Variants in XKR6 observed in about 807,000 individuals in gnomAD.
XKR6 encodes the protein XK-related protein 6.
A neutral mutation model predicts 56.7 loss-of-function variants in XKR6; 22 were observed. The ratio of observed to expected loss-of-function variants is 0.39; its 90% CI spans 0.28 to 0.55. XKR6 has a LOEUF of 0.55. Among genes scored for constraint, XKR6 ranks in the 20% least tolerant of loss-of-function variants. The pLI, the probability that XKR6 is intolerant of heterozygous loss-of-function variation, is 0.66. For missense variants in XKR6, 852 were observed against 889.0 expected (o/e 0.96, Z 0.53); for synonymous variants, 524 against 387.8 (o/e 1.35, Z -4.13).
intron 1 of XKR6, among the ~76,000 whole-genome samples, chr8:11,073,726 G>A (rs1800193076): frequency 6.6e-6 from 1 of 152,202 alleles, no homozygotes; most frequent in Admixed American, 6.5e-5. Context: ...TGTGAAAATG[G>A]ATTAAGAAGT....
intron 1 of XKR6, among the ~76,000 whole-genome samples, chr8:10,979,793 G>C (rs1221770724): frequency 6.6e-6 from 1 of 152,192 alleles, no homozygotes; most frequent in Admixed American, 6.5e-5. Flanking sequence ...TGAGGACCCT[G>C]TGCTGCGGGG....
intron 2 of XKR6, among the ~76,000 whole-genome samples, chr8:10,917,072 CTT>C (rs35887024): frequency 1.6e-3 from 224 of 143,694 alleles, no homozygotes; most frequent in Middle Eastern, 0.014. Context: ...AGCAAAGATG[CTT>C]TTTTTTTTTT....
chr8:11,178,869 T>G (rs968886988), intron 1 of XKR6, among the ~76,000 whole-genome samples: 7 of 151,514 alleles, frequency 4.6e-5, no homozygotes, highest in Non-Finnish European at 4.4e-5. Flanking sequence ...AGGGTCTCAC[T>G]CAGGCACCCA....
At chr8:11,086,897 C>T (rs1797910362) in intron 1 of XKR6, among the ~76,000 whole-genome samples, 1 of 152,224 alleles carries the variant, frequency 6.6e-6, no homozygotes, top group South Asian at 2.1e-4. Flanking sequence ...CGTCGGAGGT[C>T]ACCCGGCCAG....
intron 1 of XKR6, among the ~76,000 whole-genome samples, chr8:10,988,541 A>G (rs1218202178): frequency 2.0e-5 from 3 of 152,194 alleles, no homozygotes; most frequent in Non-Finnish European, 4.4e-5. Flanking sequence ...AAGGCAAGGA[A>G]TGCTAGGCAC....
In XKR6 at chr8:10,912,823, C is replaced by CAT. The variant is rs567939912; in HGVS notation, c.961+11809_961+11810dup. Among the ~76,000 whole-genome samples the CAT allele has an allele frequency of 2.6e-4, 34 of 129,960 alleles. No homozygotes were observed. In the East Asian group the frequency reaches 3.8e-3, roughly 14 times the overall value. 85.3% of individuals were successfully genotyped at this position (129,960 alleles called of 152,430 possible). A position where few individuals can be genotyped will look rare whatever the true frequency, so the allele number is the denominator to read the frequency against. ...ATAGAGAGAGAGGCGAGTATATATA[C>CAT]ATATATATATATAGAGAGAGAAAGA... On this transcript the variant is annotated intron_variant, in intron 2 of 2. Coordinates refer to ENST00000416569, the MANE Select transcript of XKR6 (RefSeq NM_173683.4).
chr8:11,145,847 T>C (rs1447317183), intron 1 of XKR6, among the ~76,000 whole-genome samples: 2 of 152,172 alleles, frequency 1.3e-5, no homozygotes, highest in East Asian at 3.8e-4. Flanking sequence ...AACAAACTGA[T>C]TCCAAATTCA....
chr8:11,019,968 C>G (rs911043815), intron 1 of XKR6, among the ~76,000 whole-genome samples: 12 of 152,146 alleles, frequency 7.9e-5, no homozygotes, highest in African/African-American at 2.9e-4. Context: ...CACTGATAAT[C>G]CACTGGAGAG....
At chr8:11,078,905 T>C (rs1312878118) in intron 1 of XKR6, among the ~76,000 whole-genome samples, 1 of 152,212 alleles carries the variant, frequency 6.6e-6, no homozygotes, top group Non-Finnish European at 1.5e-5. Context: ...GAGCCGTCAA[T>C]TTCAGCCAAC....
chr8:11,014,637 A>C (rs988250051), intron 1 of XKR6, among the ~76,000 whole-genome samples: 2 of 152,264 alleles, frequency 1.3e-5, no homozygotes, highest in South Asian at 4.1e-4. Context: ...TTGCTAACAA[A>C]ATGTAGGTCC....
At chr8:11,015,752 A>G (rs1010451702) in intron 1 of XKR6, among the ~76,000 whole-genome samples, 1 of 151,682 alleles carries the variant, frequency 6.6e-6, no homozygotes, top group Non-Finnish European at 1.5e-5. Flanking sequence ...ACAGGAAGGG[A>G]GTGAGATTAA....
At chr8:11,035,053 G>A (rs997724588) in intron 1 of XKR6, among the ~76,000 whole-genome samples, 1 of 152,214 alleles carries the variant, frequency 6.6e-6, no homozygotes, top group African/African-American at 2.4e-5. Flanking sequence ...CCCTGGGCCA[G>A]TTACTGATTC....
chr8:10,901,659 G>T (rs1800039421), intron 2 of XKR6, among the ~76,000 whole-genome samples: 1 of 152,144 alleles, frequency 6.6e-6, no homozygotes, highest in Non-Finnish European at 1.5e-5. Context: ...GAGCTGGGTG[G>T]GAAGAAGGCT....
intron 2 of XKR6, among the ~76,000 whole-genome samples, chr8:10,912,008 G>C (rs1236031237): frequency 6.8e-6 from 1 of 148,038 alleles, no homozygotes; most frequent in Non-Finnish European, 1.5e-5. Context: ...TATATATAGA[G>C]AGAGAGAGCA....
At chr8:11,040,134 G>A (rs1253727283) in intron 1 of XKR6, among the ~76,000 whole-genome samples, 3 of 151,896 alleles carry the variant, frequency 2.0e-5, no homozygotes, top group Non-Finnish European at 4.4e-5. Flanking sequence ...ACCCAGGCCG[G>A]GGGGACCTTC....
chr8:11,129,198 G>A (rs1799980546), intron 1 of XKR6, among the ~76,000 whole-genome samples: 1 of 152,120 alleles, frequency 6.6e-6, no homozygotes, highest in Non-Finnish European at 1.5e-5. Flanking sequence ...GCTCAACATT[G>A]TAAACATACT....
chr8:11,074,605 T>C (rs1041995143), intron 1 of XKR6, among the ~76,000 whole-genome samples: 1 of 152,138 alleles, frequency 6.6e-6, no homozygotes, highest in African/African-American at 2.4e-5. Context: ...CAACAAACAT[T>C]CTCTGAGCAC....
At chr8:11,092,654 G>C (rs1182805847) in intron 1 of XKR6, among the ~76,000 whole-genome samples, 2 of 152,206 alleles carry the variant, frequency 1.3e-5, no homozygotes, top group Non-Finnish European at 2.9e-5. Context: ...CTGCAAGAAA[G>C]GCTGAGTAAA....
At chr8:11,121,453 A>G (rs146701256) in intron 1 of XKR6, among the ~76,000 whole-genome samples, 1,735 of 152,368 alleles carry the variant, frequency 0.011, 24 homozygotes, top group African/African-American at 0.04. Context: ...ATCACTGGCC[A>G]TCAGAGAAAT....
Sources: allele counts gnomAD v4.1 joint callset (sites outside exome capture counted in the v4.1 genomes callset), GRCh38; gene constraint gnomAD v4.1.1; transcripts MANE v1.5; gene names NCBI Gene and HGNC (gene_info 2026-07-23, HGNC 2026-07-21).